The following RBSN variants were observed in gnomAD, a reference collection of about 807,000 sequenced individuals.
RBSN encodes the protein rabenosyn-5.
In RBSN, 34 loss-of-function variants were observed where a neutral mutation model predicts 60.5. The ratio of observed to expected loss-of-function variants is 0.56; its 90% CI spans 0.43 to 0.75. The LOEUF is 0.75. Among genes scored for constraint, RBSN ranks in the 30% least tolerant of loss-of-function variants. RBSN has a pLI of 0.00. For missense variants in RBSN, 845 were observed against 986.8 expected (o/e 0.86, Z 1.92); for synonymous variants, 322 against 366.9 (o/e 0.88, Z 1.40).
At chr3:15,075,477 G>A (rs937435770) in intron 13 of RBSN, 129 bp downstream of exon 13, 8 of 800,560 alleles carry the variant, frequency 1.0e-5, no homozygotes, top group Admixed American at 9.4e-5. Context: ...AAACACAACA[G>A]AAGAAATATG....
At chr3:15,094,914 G>C (rs1406074534) in intron 4 of RBSN, among the ~76,000 whole-genome samples, 2 of 152,152 alleles carry the variant, frequency 1.3e-5, no homozygotes, top group Non-Finnish European at 2.9e-5. Context: ...ACAACATCCA[G>C]AACTCTTTAA....
chr3:15,097,247 G>C (rs997608265), intron 2 of RBSN, among the ~76,000 whole-genome samples: 1 of 152,180 alleles, frequency 6.6e-6, no homozygotes, highest in Non-Finnish European at 1.5e-5. Context: ...AGGCATGGTG[G>C]CTCAAGCCTG....
At chr3:15,076,660 T>A (rs1014446038) in intron 12 of RBSN, among the ~76,000 whole-genome samples, 8 of 152,094 alleles carry the variant, frequency 5.3e-5, no homozygotes, top group Non-Finnish European at 7.4e-5. Flanking sequence ...GAGATTATCC[T>A]AAGGAAGAAA....
At chr3:15,098,482 ATAT>A (rs199950047) in intron 1 of RBSN, among the ~76,000 whole-genome samples, 114,895 of 117,218 alleles carry the variant, frequency 0.98, 56,373 homozygotes, top group Middle Eastern at 0.99. Flanking sequence ...AAAAAAATAA[ATAT>A]AGCTACATGT....
rs1190930549 is a variant in RBSN at position 15,095,969 on chromosome 3, T to C, written c.148+4A>G. On this transcript the variant is annotated splice_donor_region_variant and intron_variant, in intron 4 of 13. Transcript: ENST00000253699. ...AGGGGATAGGCAAGGTCCTCGCCTC[T>C]TACTTTTAATTTGCCCTTTGACATC... is the stretch of plus-strand genomic sequence containing the variant. 1 of 1,614,118 alleles carries C rather than the reference T, an allele frequency of 6.2e-7. No homozygotes were observed. The highest frequency in any genetic ancestry group is 8.5e-7 in the Non-Finnish European group (1 of 1,180,044).
chr3:15,096,319 C>A (rs904088877), intron 3 of RBSN, 31 bp from the exon 4 acceptor site: 5 of 481,770 alleles, frequency 1.0e-5, no homozygotes, highest in Non-Finnish European at 1.8e-5. Flanking sequence ...GGAAAAAAGC[C>A]AATTCAGGCA....
At chr3:15,091,571 C>G in intron 4 of RBSN, 2 of 1,143,832 alleles carry the variant, frequency 1.7e-6, no homozygotes, top group Non-Finnish European at 2.3e-6. Context: ...ATCGTATGTA[C>G]CAGGTACAAC....
chr3:15,085,811 C>A, intron 6 of RBSN, 50 bp downstream of exon 6: 2 of 1,444,620 alleles, frequency 1.4e-6, no homozygotes, highest in South Asian at 1.1e-5. Flanking sequence ...TATTTTTCCC[C>A]AGAAAATGTG....
chr3:15,078,863 G>A (rs1395503807), intron 10 of RBSN, among the ~76,000 whole-genome samples: 1 of 108,812 alleles, frequency 9.2e-6, no homozygotes, highest in Admixed American at 1.0e-4. Context: ...ACATGGTTTT[G>A]TTTTTAAAAA....
chr3:15,074,091 T>C lies in RBSN; in HGVS notation c.2046A>G (p.Pro682=), dbSNP rs746990010. The change falls in exon 14 of 14, where the codon CCA becomes CCG. Residue 682 remains proline (P), a synonymous_variant. Coordinates refer to ENST00000253699, the MANE Select transcript of RBSN (RefSeq NM_022340.4). The surrounding 1 kb of genome is among the most constrained non-coding windows in gnomAD (Gnocchi z 6.4). The part of the protein sequence containing the change: ...EAVAGNPFIQ[P]DSPAPNPFSE... Reference sequence around the variant, plus strand: ...TGAAGGGGTTAGGAGCTGGGCTGTCTGGCTGAATGAATGGATTCCCTGCCA... The same window carrying C: ...TGAAGGGGTTAGGAGCTGGGCTGTCCGGCTGAATGAATGGATTCCCTGCCA... 11 of 1,614,122 alleles carry C rather than the reference T, an allele frequency of 6.8e-6. No individual in the cohort carries two copies. In the East Asian group the frequency reaches 2.5e-4, roughly 36 times the overall value.
At chr3:15,080,896 G>T in intron 9 of RBSN, 94 bp from the exon 10 acceptor site, 1 of 1,032,564 alleles carries the variant, frequency 9.7e-7, no homozygotes, top group Non-Finnish European at 1.5e-6. Flanking sequence ...TATTTAAAAT[G>T]TTCACTTTTC....
intron 6 of RBSN, 103 bp from the exon 7 acceptor site, chr3:15,085,148 C>T (rs2043306637): frequency 1.4e-5 from 18 of 1,330,508 alleles, no homozygotes; most frequent in Non-Finnish European, 1.9e-5. Flanking sequence ...TTGCATTCCT[C>T]AAGTCTCATC....
chr3:15,086,058 G>T, intron 5 of RBSN, 97 bp from the exon 6 acceptor site: 2 of 760,608 alleles, frequency 2.6e-6, no homozygotes, highest in Non-Finnish European at 4.2e-6. Flanking sequence ...TTCAAAAGCA[G>T]GTTGGTCAAC....
At chr3:15,087,962 A>C (rs1474126745) in intron 5 of RBSN, among the ~76,000 whole-genome samples, 1 of 152,134 alleles carries the variant, frequency 6.6e-6, no homozygotes, top group Non-Finnish European at 1.5e-5. Context: ...TTTCTTCCCT[A>C]ATCATACTCT....
rs2042957627 is a variant in RBSN at position 15,073,108 on chromosome 3, CTG to C, written c.*672_*673del. The C allele has an allele frequency of 6.6e-6, 1 of 152,256 alleles. No individual in the cohort carries two copies. The highest frequency in any genetic ancestry group is 2.1e-4 in the South Asian group (1 of 4,836). 9.4% of individuals were successfully genotyped at this position (152,256 alleles called of 1,614,324 possible). Reference sequence around the variant, plus strand: ...TGAAAGAGACAAAAAAGAACTTAAACTGAGAAAATAGACCCTGGTGAAATATT... The same window carrying C: ...TGAAAGAGACAAAAAAGAACTTAAACAGAAAATAGACCCTGGTGAAATATT... On this transcript the variant is annotated 3_prime_UTR_variant, in exon 14 of 14. Coordinates refer to ENST00000253699, the MANE Select transcript of RBSN (RefSeq NM_022340.4).
intron 2 of RBSN, 32 bp from the exon 3 acceptor site, chr3:15,096,742 T>C (rs1037552197): frequency 9.9e-5 from 15 of 152,170 alleles, no homozygotes; most frequent in Non-Finnish European, 5.9e-5. Context: ...GAAAAAGATA[T>C]AGTATCTGCC....
At chr3:15,098,422 G>C (rs1487526418) in intron 1 of RBSN, 148 bp from the exon 2 acceptor site, 5 of 124,386 alleles carry the variant, frequency 4.0e-5, no homozygotes, top group Non-Finnish European at 7.9e-5. Context: ...GAACACATAA[G>C]CAAGCCCCTC....
At chr3:15,094,579 G>A (rs922376657) in intron 4 of RBSN, among the ~76,000 whole-genome samples, 2 of 152,186 alleles carry the variant, frequency 1.3e-5, no homozygotes, top group Non-Finnish European at 2.9e-5. Flanking sequence ...GTCTGTGAAA[G>A]AAACTCTAAA....
chr3:15,090,249 A>G, intron 5 of RBSN, 150 bp downstream of exon 5: 1 of 832,698 alleles, frequency 1.2e-6, no homozygotes, highest in Middle Eastern at 3.7e-4. Context: ...GTTCTCTTCC[A>G]TTTTCTTCCC....
Sources: allele counts gnomAD v4.1 joint callset (sites outside exome capture counted in the v4.1 genomes callset), GRCh38; gene constraint gnomAD v4.1.1; non-coding constraint Gnocchi (gnomAD v3.1); transcripts MANE v1.5; gene names NCBI Gene and HGNC (gene_info 2026-07-23, HGNC 2026-07-21).